The following CNTN5 variants were observed in gnomAD, a reference collection of about 807,000 sequenced individuals.
The protein encoded by CNTN5 is contactin 5.
A neutral mutation model predicts 129.1 loss-of-function variants in CNTN5; 77 were observed. That is an observed-to-expected ratio of 0.60 (90% confidence interval 0.50 to 0.72). The LOEUF (loss-of-function observed/expected upper bound fraction) is 0.72, where lower values mean the gene tolerates loss of function less well. CNTN5 is among the 30% of genes least tolerant of loss of function. The pLI is 0.00. For synonymous variants in CNTN5, 509 were observed against 465.6 expected, an observed-to-expected ratio of 1.09 and a Z score of -1.20; for missense variants, 1,478 against 1,328.8, an observed-to-expected ratio of 1.11 and a Z score of -1.75.
intron 2 of CNTN5, among the ~76,000 whole-genome samples, chr11:99,472,087 A>G (rs1945198858): frequency 6.6e-6 from 1 of 152,174 alleles, no homozygotes; most frequent in Non-Finnish European, 1.5e-5. Flanking sequence ...ACAAACCCCA[A>G]GTTAATCAAC....
At chr11:99,995,562 C>T (rs1013775817) in intron 8 of CNTN5, among the ~76,000 whole-genome samples, 1 of 151,968 alleles carries the variant, frequency 6.6e-6, no homozygotes, top group Non-Finnish European at 1.5e-5. Context: ...AAGAATTTAT[C>T]TTACTCTATT....
chr11:100,038,989 G>A (rs1299362115), intron 9 of CNTN5, among the ~76,000 whole-genome samples: 1 of 152,094 alleles, frequency 6.6e-6, no homozygotes, highest in African/African-American at 2.4e-5. Context: ...ATATTGTTAT[G>A]TGTGAATTTG....
At chr11:99,769,433 T>C (rs1415522798) in intron 3 of CNTN5, among the ~76,000 whole-genome samples, 1 of 152,136 alleles carries the variant, frequency 6.6e-6, no homozygotes, top group Non-Finnish European at 1.5e-5. Context: ...TACCTCTAAT[T>C]CAAATTCAGT....
At chr11:99,164,322 CAA>C (rs35669418) in intron 1 of CNTN5, among the ~76,000 whole-genome samples, 3 of 49,066 alleles carry the variant, frequency 6.1e-5, no homozygotes, top group South Asian at 1.5e-3. Flanking sequence ...CACTCCATCT[CAA>C]AAAAAAAAAA....
At chr11:99,884,719 G>A (rs1436324211) in intron 6 of CNTN5, among the ~76,000 whole-genome samples, 1 of 152,210 alleles carries the variant, frequency 6.6e-6, no homozygotes, top group African/African-American at 2.4e-5. Context: ...GCTCACGCCT[G>A]TAATCCCAGC....
At chr11:99,730,252 C>G (rs1943486362) in intron 3 of CNTN5, among the ~76,000 whole-genome samples, 5 of 152,196 alleles carry the variant, frequency 3.3e-5, no homozygotes, top group Admixed American at 2.6e-4. Flanking sequence ...GCTTCTGATT[C>G]TAGCAGAGCA....
intron 3 of CNTN5, among the ~76,000 whole-genome samples, chr11:99,783,047 T>C (rs1945371751): frequency 6.9e-6 from 1 of 145,432 alleles, no homozygotes. Context: ...ACCTACAAAA[T>C]GGGAGAAAAT....
chr11:100,015,923 A>T (rs183030561), intron 9 of CNTN5, among the ~76,000 whole-genome samples: 40 of 152,210 alleles, frequency 2.6e-4, no homozygotes, highest in South Asian at 4.1e-4. Flanking sequence ...TATTTCTACA[A>T]ATACTTAATT....
At chr11:99,627,793 T>C (rs571094200) in intron 3 of CNTN5, among the ~76,000 whole-genome samples, 118 of 151,894 alleles carry the variant, frequency 7.8e-4, no homozygotes, top group Admixed American at 3.6e-3. Flanking sequence ...AGGATATAAA[T>C]AGAGCACTGA....
At chr11:99,896,375 G>A (rs367791527) in intron 6 of CNTN5, among the ~76,000 whole-genome samples, 1 of 152,152 alleles carries the variant, frequency 6.6e-6, no homozygotes, top group Non-Finnish European at 1.5e-5. Flanking sequence ...CACAGCTGCT[G>A]CTGTCTCTGC....
intron 3 of CNTN5, among the ~76,000 whole-genome samples, chr11:99,811,392 C>T (rs913901433): frequency 6.6e-6 from 1 of 150,660 alleles, no homozygotes; most frequent in East Asian, 1.9e-4. Context: ...TTATCTTCTT[C>T]ATAAATATTG....
chr11:99,024,987 T>C (rs1292614258), intron 1 of CNTN5, among the ~76,000 whole-genome samples: 1 of 152,010 alleles, frequency 6.6e-6, no homozygotes, highest in African/African-American at 2.4e-5. Context: ...GGTGTAAAGT[T>C]GTTTTTTCTC....
chr11:99,790,934 T>A (rs2135433887), intron 3 of CNTN5, among the ~76,000 whole-genome samples: 1 of 152,262 alleles, frequency 6.6e-6, no homozygotes, highest in African/African-American at 2.4e-5. Context: ...TTTAATATCC[T>A]TTTTGGCCAC....
Position 100,028,140 on chromosome 11 carries a change from T to C in CNTN5, c.980+26004T>C, listed in dbSNP as rs565207234. On this transcript the variant is annotated intron_variant, in intron 9 of 24. Coordinates refer to ENST00000524871, the MANE Select transcript of CNTN5 (RefSeq NM_014361.4). ...TGACAGAATCCTTTCTCAGAAAGAG[T>C]TTAAAACAGAAACAGTAAAAAGCTA... Among the ~76,000 whole-genome samples, 16 of 151,608 alleles carry C rather than the reference T, an allele frequency of 1.1e-4. No homozygotes were observed. In the South Asian group the frequency reaches 3.3e-3, roughly 32 times the overall value.
intron 13 of CNTN5, among the ~76,000 whole-genome samples, chr11:100,133,794 G>A (rs371592146): frequency 1.7e-4 from 26 of 152,208 alleles, no homozygotes; most frequent in Non-Finnish European, 3.1e-4. Context: ...GGAGGTTACC[G>A]AGGGTAAGTA....
intron 1 of CNTN5, among the ~76,000 whole-genome samples, chr11:99,092,039 T>C (rs544027958): frequency 7.2e-5 from 11 of 152,298 alleles, no homozygotes; most frequent in African/African-American, 2.6e-4. Context: ...GTATTAATAA[T>C]GATTTTTCTT....
chr11:99,402,530 TG>T (rs1282679076), intron 2 of CNTN5, among the ~76,000 whole-genome samples: 3 of 152,176 alleles, frequency 2.0e-5, no homozygotes, highest in Non-Finnish European at 4.4e-5. Flanking sequence ...CCTATAGTTT[TG>T]TTGTTGTTTT....
chr11:99,962,786 T>C (rs1950985229), intron 8 of CNTN5, among the ~76,000 whole-genome samples: 1 of 151,732 alleles, frequency 6.6e-6, no homozygotes, highest in East Asian at 1.9e-4. Flanking sequence ...AGTGTAAAAG[T>C]GTTCCTATTT....
At chr11:99,720,587 C>A (rs1178651670) in intron 3 of CNTN5, among the ~76,000 whole-genome samples, 2 of 152,046 alleles carry the variant, frequency 1.3e-5, no homozygotes, top group African/African-American at 4.8e-5. Context: ...CCTTGAAAAT[C>A]TGTACAAGAC....
Sources: gnomAD v4.1 joint callset for allele counts (sites outside exome capture counted in the v4.1 genomes callset) on GRCh38, gnomAD v4.1.1 for gene constraint, MANE v1.5 for transcripts, NCBI Gene and HGNC (gene_info 2026-07-23, HGNC 2026-07-21) for gene names.